The following ITPKB variants were observed in gnomAD, a reference collection of about 807,000 sequenced individuals.
ITPKB encodes the protein IP3 3-kinase B.
ITPKB carries 13 observed loss-of-function variants against 69.4 expected under a neutral mutation model. That is an observed-to-expected ratio of 0.19 (90% confidence interval 0.12 to 0.30). ITPKB has a LOEUF of 0.30. Ranked by LOEUF, ITPKB falls within the 10% of genes least tolerant of loss-of-function variation. The pLI, the probability that ITPKB is intolerant of heterozygous loss-of-function variation, is 1.00. For synonymous variants in ITPKB, 584 were observed against 513.7 expected (o/e 1.14, Z -1.85); for missense variants, 1,240 against 1,250.5 (o/e 0.99, Z 0.13).
At chr1:226,724,010 T>G (rs192265130) in intron 2 of ITPKB, among the ~76,000 whole-genome samples, 11 of 152,278 alleles carry the variant, frequency 7.2e-5, no homozygotes, top group Admixed American at 6.5e-4. Flanking sequence ...GGCATCCACT[T>G]AAAAACGCTC....
At chr1:226,727,164 G>A (rs970086658) in intron 2 of ITPKB, among the ~76,000 whole-genome samples, 1 of 152,136 alleles carries the variant, frequency 6.6e-6, no homozygotes, top group Non-Finnish European at 1.5e-5. Context: ...TAACGCGTAA[G>A]AGCATTATAT....
At chr1:226,665,664 C>G (rs1190479219) in intron 2 of ITPKB, among the ~76,000 whole-genome samples, 1 of 152,172 alleles carries the variant, frequency 6.6e-6, no homozygotes, top group Admixed American at 6.5e-5. Flanking sequence ...TTCTAAACCA[C>G]CCAGCCCCAC....
rs901125727 is a variant in ITPKB, at chr1:226,632,102, T to C, written c.*2569A>G. ...TGTGCAATTTTAAAACCCAACAAAA[T>C]AAATATAACTTAAAAATGTCTTACA... is the stretch of plus-strand genomic sequence containing the variant. On this transcript the variant is annotated 3_prime_UTR_variant, in exon 8 of 8. Coordinates refer to ENST00000429204, the MANE Select transcript of ITPKB (RefSeq NM_002221.4). The C allele has an allele frequency of 6.6e-6, 1 of 152,510 alleles. No homozygotes were observed. The highest frequency in any genetic ancestry group is 1.5e-5 in the Non-Finnish European group (1 of 68,010). 9.4% of individuals were successfully genotyped at this position (152,510 alleles called of 1,614,324 possible). A position where few individuals can be genotyped will look rare whatever the true frequency, so the allele number is the denominator to read the frequency against.
chr1:226,705,740 C>G (rs772720117), intron 2 of ITPKB, among the ~76,000 whole-genome samples: 6 of 152,186 alleles, frequency 3.9e-5, no homozygotes, highest in Non-Finnish European at 8.8e-5. Context: ...TTGCAGGCAT[C>G]CCCTCTCCAG....
At chr1:226,683,225 C>G (rs181888242) in intron 2 of ITPKB, among the ~76,000 whole-genome samples, 2 of 152,338 alleles carry the variant, frequency 1.3e-5, no homozygotes, top group Admixed American at 6.5e-5. Context: ...AACACCTCCC[C>G]CTTCGTGCTT....
chr1:226,710,835 A>T (rs1233201642), intron 2 of ITPKB, among the ~76,000 whole-genome samples: 1 of 152,250 alleles, frequency 6.6e-6, no homozygotes, highest in African/African-American at 2.4e-5. Context: ...CAGAAGAGTC[A>T]GTAGTTGCCA....
At chr1:226,652,746 C>A (rs1669218547) in intron 2 of ITPKB, among the ~76,000 whole-genome samples, 1 of 152,262 alleles carries the variant, frequency 6.6e-6, no homozygotes, top group Non-Finnish European at 1.5e-5. Flanking sequence ...ATCGAGACAT[C>A]CCTTGTGGAC....
At chr1:226,702,350 A>C (rs1656689033) in intron 2 of ITPKB, among the ~76,000 whole-genome samples, 1 of 151,218 alleles carries the variant, frequency 6.6e-6, no homozygotes, top group East Asian at 1.9e-4. Context: ...GTGAGCGGAC[A>C]TCACGCCACT....
chr1:226,710,505 A>G (rs932971293), intron 2 of ITPKB, among the ~76,000 whole-genome samples: 1 of 152,210 alleles, frequency 6.6e-6, no homozygotes, highest in Non-Finnish European at 1.5e-5. Flanking sequence ...TAATGAGTGC[A>G]GAGTCTCACA....
chr1:226,731,465 G>A (rs1029997099), intron 2 of ITPKB, among the ~76,000 whole-genome samples: 2 of 152,266 alleles, frequency 1.3e-5, no homozygotes, highest in Middle Eastern at 6.8e-3. Context: ...CTCAGTGCCG[G>A]AAACCCACAC....
chr1:226,733,582 A>ACACACCC (rs1657659172), intron 2 of ITPKB, among the ~76,000 whole-genome samples: 1 of 151,908 alleles, frequency 6.6e-6, no homozygotes, highest in South Asian at 2.1e-4. Flanking sequence ...ACACACACAC[A>ACACACCC]CACACACCCA....
chr1:226,693,348 T>A (rs1471756980), intron 2 of ITPKB, among the ~76,000 whole-genome samples: 1 of 152,226 alleles, frequency 6.6e-6, no homozygotes, highest in Admixed American at 6.5e-5. Flanking sequence ...CGAGCGATGA[T>A]GGGCAGCTCT....
At position 226,668,708 on chromosome 1, in the gene ITPKB, G is replaced by T. The variant is rs551795356; in HGVS notation, c.1933-19937C>A. 2.0e-4 allele frequency among the ~76,000 whole-genome samples: 31 copies of T among 152,276 alleles called. 1 individual carries two copies. The South Asian group carries it at 6.4e-3, about 32-fold the overall frequency. ...TGTATATCTGCTGTTTCAACCAAAA[G>T]AAATTTTTCAAAATTAACAGGAATA... On this transcript the variant is annotated intron_variant, in intron 2 of 7. Coordinates refer to ENST00000429204, the MANE Select transcript of ITPKB (RefSeq NM_002221.4).
At chr1:226,700,892 T>C (rs960625691) in intron 2 of ITPKB, among the ~76,000 whole-genome samples, 8 of 152,262 alleles carry the variant, frequency 5.3e-5, no homozygotes, top group Non-Finnish European at 8.8e-5. Context: ...TGTCAAGGCC[T>C]GTGTCTTTTT....
intron 2 of ITPKB, chr1:226,675,098 T>G (rs1669701952): frequency 7.3e-6 from 1 of 136,168 alleles, no homozygotes; most frequent in Admixed American, 8.4e-5. Context: ...GACCTAGCCT[T>G]CAGAACTCTG....
rs528983120 is a variant in ITPKB, at chr1:226,636,079, C to T, written c.2626-1193G>A. Among the ~76,000 whole-genome samples, 4 of 152,356 alleles carry T rather than the reference C, an allele frequency of 2.6e-5. No homozygotes were observed. In the South Asian group the frequency reaches 8.3e-4, roughly 32 times the overall value. On this transcript the variant is annotated intron_variant, in intron 7 of 7. Transcript: ENST00000429204. The stretch of plus-strand genomic sequence containing the variant: ...AAGGGAGACCCCAAAAAGTGTAGAA[C>T]AAAATGCTTTTCCAAGAAATAAAAG...
intron 2 of ITPKB, among the ~76,000 whole-genome samples, chr1:226,723,257 T>C (rs1165082072): frequency 6.6e-6 from 1 of 151,968 alleles, no homozygotes; most frequent in Non-Finnish European, 1.5e-5. Flanking sequence ...ACTTGGGAAG[T>C]CCTGGGTAGG....
Position 226,642,344 on chromosome 1 carries a change from T to G in ITPKB, c.2247-219A>C, listed in dbSNP as rs749474802. Among the ~76,000 whole-genome samples the G allele has an allele frequency of 1.3e-5, 2 of 152,094 alleles. No homozygotes were observed. The highest frequency in any genetic ancestry group is 1.5e-5 in the Non-Finnish European group (1 of 68,002). On this transcript the variant is annotated intron_variant, in intron 4 of 7. Transcript: ENST00000429204. This position sits in a 1 kb window ranked among gnomAD's most constrained non-coding sequence, Gnocchi z 6.4. ...TCTTTTCTTTTTTTTTTAGACAATT[T>G]TTTTAGTAGATAAGGGAGTCTCGCT...
intron 2 of ITPKB, among the ~76,000 whole-genome samples, chr1:226,719,853 T>C (rs886519769): frequency 2.0e-5 from 3 of 152,196 alleles, no homozygotes; most frequent in Non-Finnish European, 4.4e-5. Flanking sequence ...CTCTTTCCCG[T>C]GGGCAGATCT....
Sources: gnomAD v4.1 joint callset for allele counts (sites outside exome capture counted in the v4.1 genomes callset) on GRCh38, gnomAD v4.1.1 for gene constraint, Gnocchi (gnomAD v3.1) non-coding constraint, MANE v1.5 for transcripts, NCBI Gene and HGNC (gene_info 2026-07-23, HGNC 2026-07-21) for gene names.